Variants in CTNND2 observed in about 807,000 individuals in gnomAD.
CTNND2 encodes catenin delta 2, also known as catenin delta-2.
Under a neutral mutation model 144.4 loss-of-function variants are expected in CTNND2, and 22 were observed. That is an observed-to-expected ratio of 0.15 (90% CI 0.11 to 0.22). The LOEUF (loss-of-function observed/expected upper bound fraction) is 0.22. CTNND2 is among the 10% of genes least tolerant of loss of function. The pLI is 1.00. For synonymous variants in CTNND2, 751 were observed against 695.6 expected (o/e 1.08, Z -1.25); for missense variants, 1,353 against 1,618.8 (o/e 0.84, Z 2.82).
chr5:11,282,651 G>A (rs2149999219), intron 9 of CTNND2, among the ~76,000 whole-genome samples: 1 of 152,184 alleles, frequency 6.6e-6, no homozygotes, highest in East Asian at 1.9e-4. Context: ...TATCCTAGGA[G>A]GGTATGATTT....
intron 1 of CTNND2, among the ~76,000 whole-genome samples, chr5:11,837,639 C>T (rs1794250319): frequency 6.6e-6 from 1 of 152,166 alleles, no homozygotes; most frequent in African/African-American, 2.4e-5. Context: ...TCTTTAGGAA[C>T]AAGTCAGATC....
chr5:11,493,297 G>A (rs1769618469), intron 3 of CTNND2, among the ~76,000 whole-genome samples: 1 of 152,066 alleles, frequency 6.6e-6, no homozygotes, highest in Non-Finnish European at 1.5e-5. Flanking sequence ...TGAAGTATCA[G>A]GGATAACTGA....
intron 6 of CTNND2, among the ~76,000 whole-genome samples, chr5:11,386,900 C>T (rs1036293909): frequency 6.6e-6 from 1 of 152,096 alleles, no homozygotes; most frequent in African/African-American, 2.4e-5. Flanking sequence ...TTACTCTGAG[C>T]CCCAGAGAAA....
At chr5:11,214,521 GT>G (rs1389444928) in intron 10 of CTNND2, among the ~76,000 whole-genome samples, 5 of 152,068 alleles carry the variant, frequency 3.3e-5, no homozygotes, top group African/African-American at 1.2e-4. Context: ...TTAGGGGAGG[GT>G]TTTTTGTCTT....
intron 2 of CTNND2, among the ~76,000 whole-genome samples, chr5:11,674,703 T>TTTTG (rs762197186): frequency 6.6e-4 from 96 of 144,870 alleles, no homozygotes; most frequent in Non-Finnish European, 7.8e-4. Flanking sequence ...TATGCAGTTT[T>TTTTG]TTTGTTTGTT....
chr5:11,670,752 T>C (rs184274321), intron 2 of CTNND2, among the ~76,000 whole-genome samples: 10 of 152,334 alleles, frequency 6.6e-5, no homozygotes, highest in African/African-American at 1.2e-4. Context: ...TGTCTTTAAA[T>C]TGGGGGCATT....
At chr5:11,076,867 G>A (rs1749002944) in intron 16 of CTNND2, among the ~76,000 whole-genome samples, 1 of 152,108 alleles carries the variant, frequency 6.6e-6, no homozygotes, top group Admixed American at 6.6e-5. Context: ...TTAAAAGAAT[G>A]ATCTACGAAG....
intron 2 of CTNND2, among the ~76,000 whole-genome samples, chr5:11,723,415 T>C (rs189339620): frequency 2.0e-5 from 3 of 152,258 alleles, no homozygotes; most frequent in East Asian, 1.9e-4. Context: ...CATCAGTCAA[T>C]GGGCACATTC....
chr5:11,006,646 C>G (rs1008720801), intron 18 of CTNND2, among the ~76,000 whole-genome samples: 1 of 152,164 alleles, frequency 6.6e-6, no homozygotes, highest in Non-Finnish European at 1.5e-5. Context: ...GAGCCCTTTC[C>G]GTGGAGGCAT....
At chr5:11,101,887 A>ATGTATGTGTG (rs376555832) in intron 14 of CTNND2, among the ~76,000 whole-genome samples, 39 of 145,186 alleles carry the variant, frequency 2.7e-4, no homozygotes, top group Non-Finnish European at 5.1e-4. Context: ...ACGACCACAT[A>ATGTATGTGTG]TGTGTGTGTG....
At chr5:11,485,216 A>G (rs1768682869) in intron 3 of CTNND2, among the ~76,000 whole-genome samples, 1 of 152,184 alleles carries the variant, frequency 6.6e-6, no homozygotes. Context: ...CAAAATGTAG[A>G]ATTGTTATTG....
chr5:10,975,059 T>C (rs1485186103), intron 21 of CTNND2, among the ~76,000 whole-genome samples: 1 of 152,220 alleles, frequency 6.6e-6, no homozygotes, highest in Non-Finnish European at 1.5e-5. Flanking sequence ...GGATAAACCT[T>C]TGTTAGCCTG....
At chr5:11,615,025 G>C (rs1399120553) in intron 2 of CTNND2, among the ~76,000 whole-genome samples, 1 of 152,160 alleles carries the variant, frequency 6.6e-6, no homozygotes, top group African/African-American at 2.4e-5. Context: ...AATTTGAGTA[G>C]ATATTCAAAC....
chr5:11,816,310 G>C (rs537932639), intron 1 of CTNND2, among the ~76,000 whole-genome samples: 1 of 152,202 alleles, frequency 6.6e-6, no homozygotes, highest in Admixed American at 6.5e-5. Flanking sequence ...AAACTTTTCA[G>C]AGAGATCCTG....
intron 9 of CTNND2, among the ~76,000 whole-genome samples, chr5:11,240,787 C>T (rs1368779635): frequency 8.0e-5 from 11 of 137,790 alleles, no homozygotes; most frequent in Non-Finnish European, 1.6e-4. Flanking sequence ...GCACACACAC[C>T]CCCAACCCCC....
At chr5:11,244,280 ATTTT>A (rs11322159) in intron 9 of CTNND2, among the ~76,000 whole-genome samples, 225 of 104,094 alleles carry the variant, frequency 2.2e-3, no homozygotes, top group African/African-American at 6.2e-3. Context: ...GTCCTATACA[ATTTT>A]TTTTTTTTTT....
At chr5:11,879,855 G>A (rs982566918) in intron 1 of CTNND2, among the ~76,000 whole-genome samples, 1 of 152,138 alleles carries the variant, frequency 6.6e-6, no homozygotes, top group African/African-American at 2.4e-5. Flanking sequence ...CATATGGAAG[G>A]ACTGGACTTC....
chr5:10,984,197 G>T (rs1356939748), intron 20 of CTNND2, among the ~76,000 whole-genome samples: 1 of 152,120 alleles, frequency 6.6e-6, no homozygotes. Context: ...GAAGGCCCTT[G>T]AGAGAGAAAC....
intron 1 of CTNND2, among the ~76,000 whole-genome samples, chr5:11,848,863 C>A (rs903498766): frequency 1.2e-4 from 18 of 152,088 alleles, no homozygotes; most frequent in Non-Finnish European, 2.2e-4. Flanking sequence ...CAGAGTGAAT[C>A]CTTAACAGTC....
Sources: gnomAD v4.1 joint callset for allele counts (sites outside exome capture counted in the v4.1 genomes callset) on GRCh38, gnomAD v4.1.1 for gene constraint, MANE v1.5 for transcripts, NCBI Gene and HGNC (gene_info 2026-07-23, HGNC 2026-07-21) for gene names.